The following ANAPC10 variants were observed in gnomAD, a reference collection of about 807,000 sequenced individuals.
The protein encoded by ANAPC10 is anaphase-promoting complex subunit 10.
A neutral mutation model predicts 22.0 loss-of-function variants in ANAPC10; 12 were observed. The ratio of observed to expected loss-of-function variants is 0.55; its 90% CI spans 0.35 to 0.88. The LOEUF is 0.88. Among genes scored for constraint, ANAPC10 ranks in the 40% least tolerant of loss-of-function variants. The pLI is 0.01. For missense variants in ANAPC10, 188 were observed against 220.9 expected (o/e 0.85, Z 0.94); for synonymous variants, 65 against 69.5 (o/e 0.94, Z 0.32).
rs1260700009 is a variant in ANAPC10, at chr4:145,096,083, T to C, written c.17A>G (p.Lys6Arg). The C allele has an allele frequency of 6.2e-7, 1 of 1,614,154 alleles. No homozygotes were observed. Among genetic ancestry groups the C allele is most frequent in the Non-Finnish European group, 8.5e-7 (1 of 1,180,016 alleles). Residue 6 changes from lysine to arginine, a missense_variant, in exon 2 of 5, where the codon AAG becomes AGG. Transcript: ENST00000507656. MTTPNKTPPGADPKQL... is the reference protein window; with the variant it reads MTTPNRTPPGADPKQL... ...CTTGGGGTCAGCACCAGGAGGTGTC[T>C]TGTTTGGTGTAGTCATTTTTAAAAT...
chr4:145,078,574 C>T (rs1349467415), intron 3 of ANAPC10, among the ~76,000 whole-genome samples: 1 of 152,092 alleles, frequency 6.6e-6, no homozygotes, highest in Non-Finnish European at 1.5e-5. Context: ...CAAAGCAATA[C>T]TAAGCAAAAA....
chr4:145,029,453 A>G (rs1737226690), intron 4 of ANAPC10, among the ~76,000 whole-genome samples: 1 of 152,160 alleles, frequency 6.6e-6, no homozygotes, highest in African/African-American at 2.4e-5. Flanking sequence ...GAGGTGCACT[A>G]CAACTGAAAA....
intron 4 of ANAPC10, among the ~76,000 whole-genome samples, chr4:145,056,380 C>T (rs1280741407): frequency 6.6e-6 from 1 of 152,188 alleles, no homozygotes; most frequent in East Asian, 1.9e-4. Context: ...GAATAATCCA[C>T]CCCTTGTTTA....
intron 4 of ANAPC10, among the ~76,000 whole-genome samples, chr4:145,042,942 T>G (rs1049711271): frequency 6.6e-6 from 1 of 152,110 alleles, no homozygotes; most frequent in Non-Finnish European, 1.5e-5. Context: ...ATAAAGTGTT[T>G]TTAATTCTTC....
rs561383450 is a variant in ANAPC10, at chr4:145,012,920, C to T, written c.328-17317G>A. Among the ~76,000 whole-genome samples the T allele has an allele frequency of 2.6e-4, 40 of 152,210 alleles. 1 individual carries two copies. In the South Asian group the frequency reaches 8.1e-3, roughly 31 times the overall value. On this transcript the variant is annotated intron_variant, in intron 4 of 4. Coordinates refer to ENST00000507656, the MANE Select transcript of ANAPC10 (RefSeq NM_001256706.2). ...ACTGGATCATGGTGATGGATTTCCC[C>T]TTTGGTGCTGTTCTCATGATAGTGA...
intron 4 of ANAPC10, among the ~76,000 whole-genome samples, chr4:145,028,265 A>C (rs1737042484): frequency 6.6e-6 from 1 of 152,122 alleles, no homozygotes. Flanking sequence ...AGCGAATATA[A>C]AGCAGGCAGA....
At chr4:145,052,887 CAAA>C (rs11455853) in intron 4 of ANAPC10, among the ~76,000 whole-genome samples, 8 of 96,016 alleles carry the variant, frequency 8.3e-5, no homozygotes, top group Admixed American at 1.1e-4. Flanking sequence ...GACTCTGTCT[CAAA>C]AAAAAAAAAA....
intron 4 of ANAPC10, among the ~76,000 whole-genome samples, chr4:145,040,127 GTA>G (rs1461673495): frequency 7.6e-4 from 39 of 51,274 alleles, no homozygotes; most frequent in African/African-American, 2.4e-3. Flanking sequence ...TAGTGTGTGT[GTA>G]TGTGTGTGTG....
At chr4:145,035,703 C>G (rs756322522) in intron 4 of ANAPC10, among the ~76,000 whole-genome samples, 9 of 152,290 alleles carry the variant, frequency 5.9e-5, no homozygotes, top group Non-Finnish European at 1.2e-4. Context: ...GTTTTTGTTC[C>G]CCACCACTTT....
At chr4:145,039,741 C>T (rs778247485) in intron 4 of ANAPC10, among the ~76,000 whole-genome samples, 8 of 151,688 alleles carry the variant, frequency 5.3e-5, no homozygotes, top group Non-Finnish European at 1.0e-4. Context: ...ACTACAGGCA[C>T]GCACCACCAC....
intron 4 of ANAPC10, among the ~76,000 whole-genome samples, chr4:145,040,035 A>G (rs1739263893): frequency 6.6e-6 from 1 of 152,178 alleles, no homozygotes; most frequent in South Asian, 2.1e-4. Flanking sequence ...TAACAACCCA[A>G]AGAAATAAAC....
At chr4:145,057,639 G>C (rs544887216) in intron 4 of ANAPC10, among the ~76,000 whole-genome samples, 39 of 151,954 alleles carry the variant, frequency 2.6e-4, no homozygotes, top group Admixed American at 9.2e-4. Context: ...ACTATCCATG[G>C]ACTACCTACT....
intron 2 of ANAPC10, among the ~76,000 whole-genome samples, chr4:145,082,087 A>G (rs1214495266): frequency 1.3e-5 from 2 of 152,182 alleles, no homozygotes; most frequent in Non-Finnish European, 2.9e-5. Context: ...TCACTTGCAC[A>G]TACAAACCCT....
chr4:145,069,972 A>G (rs34424533), intron 3 of ANAPC10, among the ~76,000 whole-genome samples: 232 of 152,328 alleles, frequency 1.5e-3, no homozygotes, highest in Non-Finnish European at 2.6e-3. Context: ...GTTAACACAT[A>G]ATAGGTTAAT....
intron 4 of ANAPC10, among the ~76,000 whole-genome samples, chr4:145,056,834 C>T (rs908934495): frequency 6.6e-6 from 1 of 152,124 alleles, no homozygotes; most frequent in Non-Finnish European, 1.5e-5. Flanking sequence ...AAAACCATGT[C>T]ATTTTCATTT....
Position 145,052,823 on chromosome 4 carries a change from G to C in ANAPC10, c.327+11749C>G, listed in dbSNP as rs568403292. Among the ~76,000 whole-genome samples, 207 of 151,594 alleles carry C rather than the reference G, an allele frequency of 1.4e-3. 1 individual carries two copies. Among genetic ancestry groups the C allele is most frequent in the African/African-American group, 4.8e-3 (199 of 41,270 alleles). The stretch of plus-strand genomic sequence containing the variant: ...GAAGCGCTTGAACCTGGGAGGCGAA[G>C]GTTGCAGTGAGCCGAGATTGCACCA... On this transcript the variant is annotated intron_variant, in intron 4 of 4. Transcript: ENST00000507656.
At chr4:144,999,042 T>C (rs2126839500) in intron 4 of ANAPC10, among the ~76,000 whole-genome samples, 1 of 151,898 alleles carries the variant, frequency 6.6e-6, no homozygotes, top group Non-Finnish European at 1.5e-5. Flanking sequence ...CCTGGACAAA[T>C]ACACCCACCC....
rs115084359 is a variant in ANAPC10, at chr4:145,076,262, G to T, written c.206+5398C>A. Among the ~76,000 whole-genome samples, 1,062 of 152,268 alleles carry T rather than the reference G, an allele frequency of 7.0e-3. 9 individuals are homozygous for T. The highest frequency in any genetic ancestry group is 0.017 in the Middle Eastern group (5 of 294). ...GTACAGCAGTTGCTTATCTTGAAGG[G>T]CCAGAGAACAAGGTTTTGGGTCTGT... On this transcript the variant is annotated intron_variant, in intron 3 of 4. Transcript: ENST00000507656.
At chr4:145,091,540 A>G (rs1451626019) in intron 2 of ANAPC10, among the ~76,000 whole-genome samples, 2 of 152,126 alleles carry the variant, frequency 1.3e-5, no homozygotes, top group East Asian at 1.9e-4. Context: ...GGGAGGGGGA[A>G]ATCACCGCTA....
Sources: allele counts gnomAD v4.1 joint callset (sites outside exome capture counted in the v4.1 genomes callset), GRCh38; gene constraint gnomAD v4.1.1; transcripts MANE v1.5; gene names NCBI Gene and HGNC (gene_info 2026-07-23, HGNC 2026-07-21).